The following MARK4 variants were observed in gnomAD, a reference collection of about 807,000 sequenced individuals.
The protein encoded by MARK4 is microtubule affinity regulating kinase 4.
A neutral mutation model predicts 81.5 loss-of-function variants in MARK4; 19 were observed. The ratio of observed to expected loss-of-function variants is 0.23; its 90% CI spans 0.16 to 0.34. The LOEUF (loss-of-function observed/expected upper bound fraction) is 0.34, where lower values mean the gene tolerates loss of function less well. Among genes scored for constraint, MARK4 ranks in the 10% least tolerant of loss-of-function variants. MARK4 has a pLI of 1.00. For synonymous variants in MARK4, 436 were observed against 439.0 expected (o/e 0.99, Z 0.08); for missense variants, 772 against 1,058.8 (o/e 0.73, Z 3.76).
intron 8 of MARK4, among the ~76,000 whole-genome samples, chr19:45,272,838 A>G (rs949652732): frequency 1.3e-5 from 2 of 152,178 alleles, no homozygotes; most frequent in Non-Finnish European, 2.9e-5. Flanking sequence ...CAGTGAGTCA[A>G]GATTGTGCCA....
At chr19:45,282,033 G>A (rs1970681768) in intron 12 of MARK4, among the ~76,000 whole-genome samples, 1 of 151,934 alleles carries the variant, frequency 6.6e-6, no homozygotes, top group Non-Finnish European at 1.5e-5. Flanking sequence ...AGACCGGCCT[G>A]GCCAACATGG....
chr19:45,275,097 C>A (rs1251117844), intron 8 of MARK4, among the ~76,000 whole-genome samples: 1 of 152,126 alleles, frequency 6.6e-6, no homozygotes, highest in East Asian at 1.9e-4. Context: ...CCCGTCTCTA[C>A]TAAAAATACA....
At position 45,271,770 on chromosome 19, in the gene MARK4, C is replaced by A. The variant is rs533018098; in HGVS notation, c.786+62C>A. The A allele has an allele frequency of 9.0e-6, 13 of 1,450,006 alleles. No individual in the cohort carries two copies. In the East Asian group the frequency reaches 3.0e-4, roughly 33 times the overall value. 89.8% of individuals were successfully genotyped at this position (1,450,006 alleles called of 1,614,324 possible). A position where few individuals can be genotyped will look rare whatever the true frequency, so the allele number is the denominator to read the frequency against. On this transcript the variant is annotated intron_variant, in intron 8 of 16. Coordinates refer to ENST00000262891, the MANE Select transcript of MARK4 (RefSeq NM_001199867.2). The surrounding 1 kb of genome is among the most constrained non-coding windows in gnomAD (Gnocchi z 4.1). ...TCCCCACAGTCAGGCCCCTATCCCCCCCACACCTCCCCTGCAGAGGGCCTC... is the reference window on the plus strand; with the variant it reads ...TCCCCACAGTCAGGCCCCTATCCCCACCACACCTCCCCTGCAGAGGGCCTC...
At chr19:45,253,604 G>T (rs1970271733) in intron 1 of MARK4, among the ~76,000 whole-genome samples, 1 of 152,178 alleles carries the variant, frequency 6.6e-6, no homozygotes, top group Non-Finnish European at 1.5e-5. Context: ...TCTCAGCTCA[G>T]GGCTGTTATT....
At chr19:45,256,642 C>T (rs1461487055) in intron 1 of MARK4, among the ~76,000 whole-genome samples, 2 of 152,108 alleles carry the variant, frequency 1.3e-5, no homozygotes, top group African/African-American at 4.8e-5. Flanking sequence ...GCCTCGAGTC[C>T]AGATTGAGGT....
At chr19:45,298,221 CAGTA>C in intron 15 of MARK4, 1 of 1,614,104 alleles carries the variant, frequency 6.2e-7, no homozygotes, top group South Asian at 1.1e-5. Flanking sequence ...GATCCAAGAT[CAGTA>C]AGTCCCGTCC....
At position 45,302,452 on chromosome 19, in the gene MARK4, G is replaced by C. The variant is rs200769427; in HGVS notation, c.2001G>C (p.Ser667=). The C allele has an allele frequency of 6.2e-7, 1 of 1,613,540 alleles. No homozygotes were observed. Among genetic ancestry groups the C allele is most frequent in the East Asian group, 2.2e-5 (1 of 44,870 alleles). ...RFPWSVKLTS[S]RPPEALMAAL... is the part of the protein sequence containing the mutation. Reference sequence around the variant, plus strand: ...CCTGGAGTGTGAAGCTGACCAGCTCGCGCCCTCCTGAGGCCCTGATGGCAG... The same window carrying C: ...CCTGGAGTGTGAAGCTGACCAGCTCCCGCCCTCCTGAGGCCCTGATGGCAG... Residue 667 remains serine (S), a synonymous_variant, in exon 17 of 17, where the codon TCG becomes TCC. Transcript: ENST00000262891. This position sits in a 1 kb window ranked among gnomAD's most constrained non-coding sequence, Gnocchi z 4.9.
Position 45,260,019 on chromosome 19 carries a change from G to A in MARK4, c.252+830G>A, listed in dbSNP as rs370873577. Among the ~76,000 whole-genome samples the A allele has an allele frequency of 8.0e-5, 12 of 150,276 alleles. No homozygotes were observed. The East Asian group carries it at 2.0e-3, about 25-fold the overall frequency. On this transcript the variant is annotated intron_variant, in intron 2 of 16. Transcript: ENST00000262891. ...GGAGAATCGCTTGAACCCAGGAGGC[G>A]GAGGTTTCAGTGAGCCGAGATCATG...
intron 9 of MARK4, 21 bp from the exon 10 acceptor site, chr19:45,278,495 C>T (rs762040398): frequency 1.9e-6 from 3 of 1,607,652 alleles, no homozygotes; most frequent in African/African-American, 1.3e-5. Context: ...CTTCCCCCTT[C>T]CCTGCTCCTG....
chr19:45,254,531 G>A (rs977032538), intron 1 of MARK4, among the ~76,000 whole-genome samples: 3 of 152,226 alleles, frequency 2.0e-5, no homozygotes, highest in Admixed American at 1.3e-4. Flanking sequence ...GCAGGCCGGG[G>A]TTCGCATCCC....
intron 8 of MARK4, among the ~76,000 whole-genome samples, chr19:45,276,667 C>G (rs376277345): frequency 8.6e-5 from 13 of 150,970 alleles, no homozygotes; most frequent in Admixed American, 7.3e-4. Context: ...GCTCTGCCGC[C>G]CAGGCTGGAG....
chr19:45,295,291 G>T (rs1970872390), intron 14 of MARK4, among the ~76,000 whole-genome samples: 1 of 151,872 alleles, frequency 6.6e-6, no homozygotes, highest in East Asian at 1.9e-4. Flanking sequence ...CCTGGAAGGC[G>T]GAGTTTGCAG....
chr19:45,293,574 A>C (rs1209210807), intron 13 of MARK4, among the ~76,000 whole-genome samples: 1 of 152,226 alleles, frequency 6.6e-6, no homozygotes, highest in Non-Finnish European at 1.5e-5. Context: ...TATAAAGAAA[A>C]TTTTTGGCTT....
At chr19:45,296,193 AGTTAAATT>A (rs1970884731) in intron 14 of MARK4, among the ~76,000 whole-genome samples, 1 of 152,212 alleles carries the variant, frequency 6.6e-6, no homozygotes, top group African/African-American at 2.4e-5. Flanking sequence ...ATAGTGGAAC[AGTTAAATT>A]ACAGACTCAG....
intron 12 of MARK4, among the ~76,000 whole-genome samples, chr19:45,286,257 T>C (rs912907255): frequency 4.6e-5 from 7 of 151,918 alleles, no homozygotes; most frequent in Non-Finnish European, 1.0e-4. Flanking sequence ...GGTTTTGCCA[T>C]GTTAGCCAGG....
At chr19:45,296,789 C>T (rs1174250838) in intron 14 of MARK4, among the ~76,000 whole-genome samples, 4 of 152,338 alleles carry the variant, frequency 2.6e-5, no homozygotes, top group Middle Eastern at 3.4e-3. Context: ...GTGGCTCACA[C>T]CTGGAATCCC....
intron 12 of MARK4, among the ~76,000 whole-genome samples, chr19:45,283,682 A>G (rs2123078509): frequency 6.6e-6 from 1 of 152,316 alleles, no homozygotes; most frequent in African/African-American, 2.4e-5. Context: ...CCATTCATGA[A>G]CACGTGGATT....
chr19:45,299,800 C>A lies in MARK4; in HGVS notation c.1878-11C>A. 6.3e-7 allele frequency: 1 copy of A among 1,594,618 alleles called. No homozygotes were observed. Among genetic ancestry groups the A allele is most frequent in the Non-Finnish European group, 8.6e-7 (1 of 1,166,864 alleles). ...CCAGATTAGACACTCTGTCCCCCTC[C>A]CCTCCCCTAGGGTCGCAGACGAACC... On this transcript the variant is annotated splice_polypyrimidine_tract_variant and intron_variant, in intron 15 of 16. Transcript: ENST00000262891.
In MARK4 at chr19:45,286,774, T is replaced by C. The variant is rs563195648; in HGVS notation, c.1277-673T>C. ...ATATAAAAACAATAAATTCTCCCCT[T>C]TTGAAACAAGTTATAGTCCTTTGGA... is the stretch of plus-strand genomic sequence containing the variant. On this transcript the variant is annotated intron_variant, in intron 12 of 16. Coordinates refer to ENST00000262891, the MANE Select transcript of MARK4 (RefSeq NM_001199867.2). Among the ~76,000 whole-genome samples, 21 of 152,164 alleles carry C rather than the reference T, an allele frequency of 1.4e-4. No individual in the cohort carries two copies. In the South Asian group the frequency reaches 4.2e-3, roughly 30 times the overall value.
Sources: allele counts gnomAD v4.1 joint callset (sites outside exome capture counted in the v4.1 genomes callset), GRCh38; gene constraint gnomAD v4.1.1; non-coding constraint Gnocchi (gnomAD v3.1); transcripts MANE v1.5; gene names NCBI Gene and HGNC (gene_info 2026-07-23, HGNC 2026-07-21).